Variants in SYTL2 observed in about 807,000 individuals in gnomAD.
SYTL2 encodes the protein synaptotagmin like 2.
Under a neutral mutation model 198.7 loss-of-function variants are expected in SYTL2, and 165 were observed. That is an observed-to-expected ratio of 0.83 (90% CI 0.73 to 0.94). SYTL2 has a LOEUF of 0.94. SYTL2 is among the 40% of genes least tolerant of loss of function. The pLI, the probability that SYTL2 is intolerant of heterozygous loss-of-function variation, is 0.00. For missense variants in SYTL2, 2,835 were observed against 2,582.8 expected (o/e 1.10, Z -2.12); for synonymous variants, 966 against 917.7 (o/e 1.05, Z -0.95).
intron 1 of SYTL2, among the ~76,000 whole-genome samples, chr11:85,798,390 G>A (rs981788718): frequency 6.6e-5 from 10 of 152,090 alleles, no homozygotes; most frequent in African/African-American, 2.4e-4. Flanking sequence ...CTTGAGAAAT[G>A]GGCCCTTCTC....
chr11:85,707,181 T>C (rs933486797), intron 15 of SYTL2, among the ~76,000 whole-genome samples: 2 of 152,196 alleles, frequency 1.3e-5, no homozygotes, highest in African/African-American at 4.8e-5. Flanking sequence ...TTTCTCCAAG[T>C]TTCATTTGCC....
the SYTL2 span, among the ~76,000 whole-genome samples, chr11:85,846,486 T>C: frequency 1.3e-5 from 2 of 151,874 alleles, no homozygotes; most frequent in South Asian, 2.1e-4. Context: ...TGGAGTACAA[T>C]GGTGCAAATT....
intron 1 of SYTL2, among the ~76,000 whole-genome samples, chr11:85,780,380 C>G (rs1016689678): frequency 2.0e-5 from 3 of 152,162 alleles, no homozygotes; most frequent in African/African-American, 4.8e-5. Context: ...TGGTGGCTGG[C>G]AGCCACTAGG....
intron 8 of SYTL2, among the ~76,000 whole-genome samples, chr11:85,722,820 A>G (rs903030239): frequency 3.3e-5 from 5 of 152,038 alleles, no homozygotes; most frequent in African/African-American, 1.2e-4. Context: ...TTTATTAACA[A>G]CAAAATTTTT....
At chr11:85,798,060 T>C (rs916283660) in intron 1 of SYTL2, among the ~76,000 whole-genome samples, 1 of 151,274 alleles carries the variant, frequency 6.6e-6, no homozygotes, top group South Asian at 2.1e-4. Context: ...GGTTTCACCA[T>C]GTTGGCCAGA....
intron 14 of SYTL2, chr11:85,708,024 G>A (rs2085511355): frequency 1.4e-5 from 5 of 349,278 alleles, no homozygotes; most frequent in South Asian, 8.5e-5. Flanking sequence ...TTAGCTGGGT[G>A]TGGTGATGCA....
At chr11:85,850,783 C>G in the SYTL2 span, among the ~76,000 whole-genome samples, 2 of 150,930 alleles carry the variant, frequency 1.3e-5, no homozygotes, top group Non-Finnish European at 3.0e-5. Flanking sequence ...ACCCAAATGT[C>G]CGACAATGAT....
In SYTL2 at chr11:85,695,155, G is replaced by C. The variant is rs199635173; in HGVS notation, c.*40C>G. 2.7e-4 allele frequency: 430 copies of C among 1,589,498 alleles called. 1 individual carries two copies. The highest frequency in any genetic ancestry group is 3.2e-4 in the Non-Finnish European group (374 of 1,165,732). ...AGATTTTCAAGATCAGATTCCACCGGTTTAGTAGTTTTCAGTGGAGGAGCC... is the reference window on the plus strand; with the variant it reads ...AGATTTTCAAGATCAGATTCCACCGCTTTAGTAGTTTTCAGTGGAGGAGCC... On this transcript the variant is annotated 3_prime_UTR_variant, in exon 20 of 20. Coordinates refer to ENST00000359152, the MANE Select transcript of SYTL2 (RefSeq NM_206927.4).
At chr11:85,835,806 C>A in the SYTL2 span, among the ~76,000 whole-genome samples, 2 of 152,182 alleles carry the variant, frequency 1.3e-5, no homozygotes, top group African/African-American at 4.8e-5. Flanking sequence ...AGCCTCCAAT[C>A]TCCTGCCTGC....
chr11:85,734,129 T>C lies in SYTL2; in HGVS notation c.1200A>G (p.Pro400=), dbSNP rs1165599894. 2 of 1,614,190 alleles carry C rather than the reference T, an allele frequency of 1.2e-6. No individual in the cohort carries two copies. Among genetic ancestry groups the C allele is most frequent in the Admixed American group, 1.7e-5 (1 of 60,034 alleles). ...GATGTGTTTCACTTTTTGATACATA[T>C]GGGCTTGAGGTTGATTGATGAAAAA... ...PSLFHQSTSS[P]YVSKSETHQP... Residue 400 remains proline, a synonymous_variant, in exon 7 of 20, where the codon CCA becomes CCG. Transcript: ENST00000359152.
chr11:85,768,295 A>G (rs1046979951), intron 1 of SYTL2, among the ~76,000 whole-genome samples: 3 of 152,284 alleles, frequency 2.0e-5, no homozygotes, highest in Non-Finnish European at 4.4e-5. Context: ...CATTTTCTAT[A>G]CCCCCAATAG....
Position 85,725,716 on chromosome 11 carries a change from G to C in SYTL2, c.3642C>G (p.Asp1214Glu). Residue 1214 changes from aspartate (D) to glutamate (E), a missense_variant, in exon 8 of 20, where the codon GAC (aspartate) becomes GAG (glutamate). Physicochemically the swap from Asp to Glu is conservative, Grantham distance 45. This residue lies in a region of SYTL2 where 2,645 missense variants were observed against 2,381.7 expected (regional missense o/e 1.11). Coordinates refer to ENST00000359152, the MANE Select transcript of SYTL2 (RefSeq NM_206927.4). ...TTCCAGTTGCTTCCTTCAGGAGTTT[G>C]TCTAGACTAGCAGTCAAAGAGTTCC... ...VKRNSLTASL[D>E]KLLKEATGTS... 1 of 1,614,050 alleles carries C rather than the reference G, an allele frequency of 6.2e-7. No homozygotes were observed. The highest frequency in any genetic ancestry group is 2.2e-5 in the East Asian group (1 of 44,876).
upstream of SYTL2, among the ~76,000 whole-genome samples, chr11:85,812,295 T>C (rs2093045031): frequency 6.6e-6 from 1 of 152,124 alleles, no homozygotes; most frequent in Admixed American, 6.5e-5. Context: ...CTTCCAAAGG[T>C]CTTCCTTCTC....
chr11:85,753,358 C>A (rs116541885), intron 2 of SYTL2, among the ~76,000 whole-genome samples: 1 of 151,954 alleles, frequency 6.6e-6, no homozygotes, highest in South Asian at 2.1e-4. Context: ...GGCTGTGTAG[C>A]GATACATGGT....
chr11:85,778,308 AG>A (rs1252829962), intron 1 of SYTL2, among the ~76,000 whole-genome samples: 1 of 152,234 alleles, frequency 6.6e-6, no homozygotes, highest in Non-Finnish European at 1.5e-5. Flanking sequence ...CAAAGCAATT[AG>A]CAAGCAGTGG....
chr11:85,796,940 G>A (rs1356306139), intron 1 of SYTL2, among the ~76,000 whole-genome samples: 1 of 152,212 alleles, frequency 6.6e-6, no homozygotes, highest in Non-Finnish European at 1.5e-5. Context: ...TGCAATCCCA[G>A]CACCTTAGGA....
intron 1 of SYTL2, among the ~76,000 whole-genome samples, chr11:85,778,974 T>C (rs967966897): frequency 3.3e-5 from 5 of 152,116 alleles, no homozygotes; most frequent in African/African-American, 1.2e-4. Flanking sequence ...CCAGACCTTG[T>C]CTCAAGAAAC....
chr11:85,711,270 C>T, intron 12 of SYTL2, 38 bp from the exon 13 acceptor site: 2 of 1,597,418 alleles, frequency 1.3e-6, no homozygotes, highest in African/African-American at 1.3e-5. Context: ...TATTTAAATT[C>T]AGAATGAGTC....
chr11:85,838,098 A>C, the SYTL2 span, among the ~76,000 whole-genome samples: 4 of 152,004 alleles, frequency 2.6e-5, no homozygotes, highest in Non-Finnish European at 5.9e-5. Flanking sequence ...GAACAAAATC[A>C]CTCTGTTTAA....
Sources: allele counts gnomAD v4.1 joint callset (sites outside exome capture counted in the v4.1 genomes callset), GRCh38; gene constraint gnomAD v4.1.1; regional missense constraint gnomAD v4.1.1; transcripts MANE v1.5; gene names NCBI Gene and HGNC (gene_info 2026-07-23, HGNC 2026-07-21).